RUNDC3B: variants seen among roughly 807,000 people sequenced by gnomAD.
RUNDC3B encodes the protein RUN domain-containing protein 3B.
In RUNDC3B, 33 loss-of-function variants were observed where a neutral mutation model predicts 58.4. The observed-to-expected ratio is 0.56, with a 90% CI of 0.43 to 0.75. RUNDC3B has a LOEUF of 0.75. Among genes scored for constraint, RUNDC3B ranks in the 30% least tolerant of loss-of-function variants. The pLI is 0.00. For missense variants in RUNDC3B, 501 were observed against 535.7 expected (o/e 0.94, Z 0.64); for synonymous variants, 193 against 195.2 (o/e 0.99, Z 0.10).
chr7:87,807,427 C>T lies in RUNDC3B; in HGVS notation c.1011C>T (p.Leu337=), dbSNP rs1836494779. The T allele has an allele frequency of 1.2e-6, 2 of 1,613,710 alleles. No individual in the cohort carries two copies. Among genetic ancestry groups the T allele is most frequent in the African/African-American group, 1.3e-5 (1 of 75,026 alleles). Residue 337 remains leucine, a synonymous_variant, in exon 9 of 11, where the codon CTC becomes CTT. Coordinates refer to ENST00000394654, the MANE Select transcript of RUNDC3B (RefSeq NM_001134405.2). ...CGAGACAAGAGTTAACTGCCCATCTCACCAACCAGTGGCCTTCTCCAGGAG... is the reference window on the plus strand; with the variant it reads ...CGAGACAAGAGTTAACTGCCCATCTTACCAACCAGTGGCCTTCTCCAGGAG... The part of the protein sequence containing the change: ...LRSRQELTAH[L]TNQWPSPGAL...
intron 2 of RUNDC3B, among the ~76,000 whole-genome samples, chr7:87,676,889 C>T (rs991276553): frequency 6.6e-6 from 1 of 152,036 alleles, no homozygotes; most frequent in South Asian, 2.1e-4. Context: ...TATCACTACT[C>T]ATCAGAGAAA....
chr7:87,651,055 T>C, intron 2 of RUNDC3B, 118 bp downstream of exon 2: 1 of 630,320 alleles, frequency 1.6e-6, no homozygotes. Flanking sequence ...ATGTGAAATG[T>C]CAAATCTTTT....
At position 87,700,537 on chromosome 7, in the gene RUNDC3B, A is replaced by G. The variant is rs1215807778; in HGVS notation, c.355A>G (p.Ser119Gly). Residue 119 changes from serine to glycine, a missense_variant, in exon 3 of 11, where the codon AGT (serine) becomes GGT (glycine). Coordinates refer to ENST00000394654, the MANE Select transcript of RUNDC3B (RefSeq NM_001134405.2). ...ICSIENMENV[S>G]SSRAKGRAWI... The stretch of plus-strand genomic sequence containing the variant: ...CAGCATTGAAAATATGGAAAATGTC[A>G]GTTCTTCTAGAGCTAAGGTAAGACA... The G allele has an allele frequency of 9.3e-6, 15 of 1,612,642 alleles. No individual in the cohort carries two copies. Among genetic ancestry groups the G allele is most frequent in the African/African-American group, 1.3e-5 (1 of 74,878 alleles).
chr7:87,640,149 C>T (rs896260541), intron 1 of RUNDC3B, among the ~76,000 whole-genome samples: 16 of 149,472 alleles, frequency 1.1e-4, no homozygotes, highest in African/African-American at 3.9e-4. Flanking sequence ...GTGTTAGAAC[C>T]ATTTATTCCC....
intron 2 of RUNDC3B, chr7:87,694,133 G>A: frequency 1.5e-6 from 1 of 646,210 alleles, no homozygotes; most frequent in Non-Finnish European, 1.9e-6. Context: ...GCACAAGTAT[G>A]CTTATGCTAA....
chr7:87,707,255 A>G (rs774317603), intron 3 of RUNDC3B, among the ~76,000 whole-genome samples: 1 of 152,198 alleles, frequency 6.6e-6, no homozygotes, highest in Non-Finnish European at 1.5e-5. Context: ...GAAAAAGACA[A>G]TTGAAACAAA....
intron 9 of RUNDC3B, among the ~76,000 whole-genome samples, chr7:87,814,541 C>T (rs1337652000): frequency 6.6e-6 from 1 of 152,050 alleles, no homozygotes; most frequent in East Asian, 1.9e-4. Flanking sequence ...TTTATTCTGC[C>T]ATAAAGTGCA....
chr7:87,761,412 A>G (rs1356755327), intron 6 of RUNDC3B, among the ~76,000 whole-genome samples: 4 of 151,930 alleles, frequency 2.6e-5, no homozygotes, highest in Non-Finnish European at 5.9e-5. Flanking sequence ...AAGTTTGATA[A>G]TTTCTCTAAG....
intron 10 of RUNDC3B, among the ~76,000 whole-genome samples, chr7:87,825,665 CTT>C (rs578031263): frequency 5.2e-4 from 79 of 152,348 alleles, no homozygotes; most frequent in African/African-American, 1.9e-3. Flanking sequence ...GCCACAGACA[CTT>C]AGCACCAGCC....
At chr7:87,722,184 C>T (rs1161766204) in intron 4 of RUNDC3B, among the ~76,000 whole-genome samples, 1 of 151,858 alleles carries the variant, frequency 6.6e-6, no homozygotes, top group Non-Finnish European at 1.5e-5. Flanking sequence ...TCTATCACCT[C>T]TTATACTTAT....
At chr7:87,716,739 A>G (rs550058960) in intron 4 of RUNDC3B, among the ~76,000 whole-genome samples, 1 of 152,354 alleles carries the variant, frequency 6.6e-6, no homozygotes, top group South Asian at 2.1e-4. Flanking sequence ...TGTTTACTGT[A>G]CAACTGTTAC....
intron 6 of RUNDC3B, among the ~76,000 whole-genome samples, chr7:87,744,630 G>T (rs370752164): frequency 6.6e-6 from 1 of 152,092 alleles, no homozygotes; most frequent in African/African-American, 2.4e-5. Context: ...GGTTGCTGTT[G>T]GTATATAGAA....
chr7:87,751,501 C>T (rs1245902894), intron 6 of RUNDC3B, among the ~76,000 whole-genome samples: 1 of 152,162 alleles, frequency 6.6e-6, no homozygotes, highest in Non-Finnish European at 1.5e-5. Flanking sequence ...GTTGATTCTT[C>T]CTATCCATGA....
At chr7:87,680,272 A>G (rs1024736762) in intron 2 of RUNDC3B, among the ~76,000 whole-genome samples, 3 of 150,664 alleles carry the variant, frequency 2.0e-5, no homozygotes, top group African/African-American at 7.4e-5. Context: ...AATCCAGTCT[A>G]TCATTGATAG....
intron 6 of RUNDC3B, among the ~76,000 whole-genome samples, chr7:87,742,889 G>A (rs1022183901): frequency 3.9e-5 from 6 of 151,974 alleles, no homozygotes; most frequent in Admixed American, 6.6e-5. Context: ...CGAGGTGGGC[G>A]GATCACGAGG....
At chr7:87,757,713 T>C (rs1278667170) in intron 6 of RUNDC3B, among the ~76,000 whole-genome samples, 1 of 152,062 alleles carries the variant, frequency 6.6e-6, no homozygotes, top group Non-Finnish European at 1.5e-5. Flanking sequence ...AAAGCTATCA[T>C]GAACAAAAAG....
Position 87,829,873 on chromosome 7 carries a change from T to C in RUNDC3B, c.1226-12T>C. The C allele has an allele frequency of 1.9e-6, 3 of 1,575,652 alleles. No homozygotes were observed. The highest frequency in any genetic ancestry group is 2.3e-5 in the South Asian group (2 of 86,700). ...GGCAATTAATTATTTGCTATTTAAT[T>C]CTAATTTTCAGGTAAGGAAGATACT... On this transcript the variant is annotated splice_polypyrimidine_tract_variant and intron_variant, in intron 10 of 10. Coordinates refer to ENST00000394654, the MANE Select transcript of RUNDC3B (RefSeq NM_001134405.2).
intron 10 of RUNDC3B, among the ~76,000 whole-genome samples, chr7:87,820,186 T>TA (rs1837334697): frequency 1.3e-5 from 2 of 151,818 alleles, no homozygotes; most frequent in Admixed American, 6.6e-5. Flanking sequence ...ATAGATGCAA[T>TA]AAAAAATGAT....
intron 3 of RUNDC3B, among the ~76,000 whole-genome samples, chr7:87,707,401 C>T (rs74754276): frequency 0.048 from 7,344 of 151,938 alleles, 261 homozygotes; most frequent in East Asian, 0.092. Context: ...ATTCAAAGGC[C>T]GGGTGTGATG....
Sources: gnomAD v4.1 joint callset for allele counts (sites outside exome capture counted in the v4.1 genomes callset) on GRCh38, gnomAD v4.1.1 for gene constraint, MANE v1.5 for transcripts, NCBI Gene and HGNC (gene_info 2026-07-23, HGNC 2026-07-21) for gene names.